IMMP2L: variants seen among roughly 807,000 people sequenced by gnomAD.
The protein encoded by IMMP2L is inner mitochondrial membrane peptidase subunit 2, also known as mitochondrial inner membrane protease subunit 2.
Under a neutral mutation model 19.3 loss-of-function variants are expected in IMMP2L, and 18 were observed. The ratio of observed to expected loss-of-function variants is 0.93; its 90% CI spans 0.64 to 1.38. The LOEUF is 1.38. IMMP2L is among the 40% of genes most tolerant of loss of function. IMMP2L has a pLI of 0.00. For missense variants in IMMP2L, 233 were observed against 218.2 expected (o/e 1.07, Z -0.43); for synonymous variants, 76 against 73.0 (o/e 1.04, Z -0.21).
intron 3 of IMMP2L, among the ~76,000 whole-genome samples, chr7:111,031,321 C>T (rs1445419934): frequency 1.3e-5 from 2 of 149,652 alleles, no homozygotes; most frequent in South Asian, 2.1e-4. Flanking sequence ...AGGACAAGAA[C>T]AGGAAATATA....
At chr7:111,042,954 G>A (rs1428525929) in intron 3 of IMMP2L, among the ~76,000 whole-genome samples, 1 of 152,158 alleles carries the variant, frequency 6.6e-6, no homozygotes, top group African/African-American at 2.4e-5. Context: ...ATTGAAATTC[G>A]ATAAATACTT....
chr7:111,515,518 A>G (rs1450597746), intron 2 of IMMP2L, among the ~76,000 whole-genome samples: 1 of 152,140 alleles, frequency 6.6e-6, no homozygotes, highest in African/African-American at 2.4e-5. Context: ...TCCATGTGAC[A>G]GCTACTGACT....
chr7:111,441,882 T>G (rs759196901), intron 3 of IMMP2L, among the ~76,000 whole-genome samples: 6 of 151,880 alleles, frequency 4.0e-5, no homozygotes, highest in Middle Eastern at 3.4e-3. Flanking sequence ...CTCACACCTG[T>G]AATCCCAGCA....
At chr7:111,235,756 C>G (rs1171399728) in intron 3 of IMMP2L, among the ~76,000 whole-genome samples, 1 of 151,668 alleles carries the variant, frequency 6.6e-6, no homozygotes, top group Non-Finnish European at 1.5e-5. Context: ...ACCATTTTTT[C>G]AAATATTTCA....
chr7:111,048,349 A>G (rs182217405), intron 3 of IMMP2L, among the ~76,000 whole-genome samples: 1 of 151,790 alleles, frequency 6.6e-6, no homozygotes, highest in Admixed American at 6.6e-5. Flanking sequence ...TTTCTACCAG[A>G]TCTTGCTCTT....
intron 3 of IMMP2L, among the ~76,000 whole-genome samples, chr7:111,325,802 T>G (rs1220385839): frequency 1.3e-5 from 2 of 151,718 alleles, no homozygotes; most frequent in Admixed American, 1.3e-4. Flanking sequence ...CATACTACAT[T>G]CTATCTTTTG....
intron 3 of IMMP2L, among the ~76,000 whole-genome samples, chr7:111,264,173 A>C (rs541971541): frequency 6.6e-6 from 1 of 152,114 alleles, no homozygotes; most frequent in African/African-American, 2.4e-5. Context: ...AACACAGAAA[A>C]TCAGGGGGAA....
In IMMP2L at chr7:110,758,732, C is replaced by T. The variant is rs999480643; in HGVS notation, c.409-95011G>A. ...TTTGTCACTGATGAGCTCCAAGACC[C>T]CAGACAAAAACATCCAACCTTTGTG... On this transcript the variant is annotated intron_variant, in intron 5 of 5. Transcript: ENST00000405709. This position sits in a 1 kb window ranked among gnomAD's most constrained non-coding sequence, Gnocchi z 4.6. 6.6e-6 allele frequency among the ~76,000 whole-genome samples: 1 copy of T among 152,066 alleles called. No homozygotes were observed. The highest frequency in any genetic ancestry group is 1.5e-5 in the Non-Finnish European group (1 of 67,992).
At chr7:111,243,009 C>A (rs573843196) in intron 3 of IMMP2L, among the ~76,000 whole-genome samples, 2 of 152,062 alleles carry the variant, frequency 1.3e-5, no homozygotes, top group South Asian at 2.1e-4. Context: ...TTTTTTCTGT[C>A]ATATCACAAA....
At chr7:111,166,178 G>A (rs1032354443) in intron 3 of IMMP2L, among the ~76,000 whole-genome samples, 2 of 151,922 alleles carry the variant, frequency 1.3e-5, no homozygotes, top group African/African-American at 4.8e-5. Context: ...TTGATGCTTA[G>A]ATGGGTATCT....
chr7:110,720,395 A>G (rs905914268), intron 5 of IMMP2L, among the ~76,000 whole-genome samples: 2 of 152,202 alleles, frequency 1.3e-5, no homozygotes, highest in African/African-American at 2.4e-5. Flanking sequence ...TGTAACAATT[A>G]GCGAAAGAAA....
At chr7:110,707,026 C>CT (rs1181144739) in intron 5 of IMMP2L, among the ~76,000 whole-genome samples, 1 of 95,828 alleles carries the variant, frequency 1.0e-5, no homozygotes, top group Non-Finnish European at 2.1e-5. Flanking sequence ...TTATTATACT[C>CT]TAAGTTTTAG....
At chr7:110,983,460 CT>C (rs1471927603) in intron 3 of IMMP2L, among the ~76,000 whole-genome samples, 2 of 152,062 alleles carry the variant, frequency 1.3e-5, no homozygotes, top group Non-Finnish European at 1.5e-5. Flanking sequence ...TCCTCATATT[CT>C]TCCCTTCTCG....
chr7:111,350,432 C>T (rs1466928749), intron 3 of IMMP2L, among the ~76,000 whole-genome samples: 1 of 151,532 alleles, frequency 6.6e-6, no homozygotes, highest in African/African-American at 2.4e-5. Context: ...AGGCTATGAA[C>T]TCATTGAACA....
intron 3 of IMMP2L, among the ~76,000 whole-genome samples, chr7:111,130,869 C>T (rs1038570092): frequency 6.6e-6 from 1 of 151,940 alleles, no homozygotes; most frequent in South Asian, 2.1e-4. Flanking sequence ...AGAGAAGAGT[C>T]ACCTATTCAA....
intron 5 of IMMP2L, among the ~76,000 whole-genome samples, chr7:110,842,497 C>T (rs79931337): frequency 6.6e-6 from 1 of 152,158 alleles, no homozygotes; most frequent in African/African-American, 2.4e-5. Flanking sequence ...TGCTCTTTGC[C>T]AAAGGGCAAA....
At chr7:110,864,990 A>G (rs554595158) in intron 5 of IMMP2L, among the ~76,000 whole-genome samples, 54 of 152,134 alleles carry the variant, frequency 3.5e-4, no homozygotes, top group African/African-American at 1.3e-3. Context: ...AAATATCTAA[A>G]TATTTCCCCA....
chr7:110,802,805 A>T (rs1317864680), intron 5 of IMMP2L, among the ~76,000 whole-genome samples: 1 of 152,094 alleles, frequency 6.6e-6, no homozygotes, highest in Non-Finnish European at 1.5e-5. Context: ...AAGCAAGAAG[A>T]TACATACGGA....
chr7:111,085,150 C>T (rs1405129739), intron 3 of IMMP2L, among the ~76,000 whole-genome samples: 2 of 151,266 alleles, frequency 1.3e-5, no homozygotes, highest in Admixed American at 6.6e-5. Flanking sequence ...AAAAATTTGT[C>T]TCATTGATTC....
Sources: gnomAD v4.1 joint callset for allele counts (sites outside exome capture counted in the v4.1 genomes callset) on GRCh38, gnomAD v4.1.1 for gene constraint, Gnocchi (gnomAD v3.1) non-coding constraint, MANE v1.5 for transcripts, NCBI Gene and HGNC (gene_info 2026-07-23, HGNC 2026-07-21) for gene names.